CACNA2D3: variants seen among roughly 807,000 people sequenced by gnomAD.
CACNA2D3 encodes the protein voltage-dependent calcium channel subunit alpha-2/delta-3.
CACNA2D3 carries 60 observed loss-of-function variants against 160.6 expected under a neutral mutation model. The observed-to-expected ratio is 0.37, with a 90% CI of 0.30 to 0.46. The LOEUF (loss-of-function observed/expected upper bound fraction) is 0.46. CACNA2D3 is among the 20% of genes least tolerant of loss of function. The pLI is 1.00. For synonymous variants in CACNA2D3, 558 were observed against 492.9 expected, an observed-to-expected ratio of 1.13 and a Z score of -1.75; for missense variants, 1,205 against 1,365.0, an observed-to-expected ratio of 0.88 and a Z score of 1.85.
intron 5 of CACNA2D3, among the ~76,000 whole-genome samples, chr3:54,528,568 G>T (rs967789348): frequency 6.6e-6 from 1 of 152,072 alleles, no homozygotes; most frequent in African/African-American, 2.4e-5. Flanking sequence ...ATTGAAACAC[G>T]AAACCTTGCT....
intron 2 of CACNA2D3, among the ~76,000 whole-genome samples, chr3:54,155,460 C>A (rs940550939): frequency 6.6e-6 from 1 of 152,222 alleles, no homozygotes; most frequent in African/African-American, 2.4e-5. Context: ...CACATAACTT[C>A]TGCTCACATC....
At chr3:54,632,905 CGCGTGGAAA>C (rs1699274800) in intron 10 of CACNA2D3, 1 of 152,122 alleles carries the variant, frequency 6.6e-6, no homozygotes, top group Non-Finnish European at 1.5e-5. Flanking sequence ...GAATAGTGGT[CGCGTGGAAA>C]GCTTTGTGGT....
At chr3:55,065,147 G>A (rs1374965674) in intron 35 of CACNA2D3, among the ~76,000 whole-genome samples, 2 of 152,132 alleles carry the variant, frequency 1.3e-5, no homozygotes, top group African/African-American at 2.4e-5. Context: ...TTGTTTTCAG[G>A]GATGGGATTT....
chr3:54,618,379 A>ATATATATATATATG (rs1401834228), intron 9 of CACNA2D3, among the ~76,000 whole-genome samples: 1 of 141,612 alleles, frequency 7.1e-6, no homozygotes, highest in Non-Finnish European at 1.5e-5. Flanking sequence ...ATATATGCAC[A>ATATATATATATATG]CACACACACA....
chr3:54,291,141 G>T (rs1018179564), intron 2 of CACNA2D3, among the ~76,000 whole-genome samples: 10 of 152,104 alleles, frequency 6.6e-5, no homozygotes, highest in African/African-American at 2.4e-4. Context: ...ACAAATTGTT[G>T]CTTTTAACTA....
At chr3:54,674,853 A>G (rs1360498770) in intron 11 of CACNA2D3, among the ~76,000 whole-genome samples, 1 of 152,216 alleles carries the variant, frequency 6.6e-6, no homozygotes, top group Non-Finnish European at 1.5e-5. Flanking sequence ...TGCCTTGGCT[A>G]TAACCATGGG....
At chr3:54,442,307 T>C (rs761606603) in intron 4 of CACNA2D3, among the ~76,000 whole-genome samples, 2 of 152,168 alleles carry the variant, frequency 1.3e-5, no homozygotes, top group Non-Finnish European at 2.9e-5. Flanking sequence ...AGAGAATGCT[T>C]CTTCCATCAC....
chr3:54,122,673 T>C lies in CACNA2D3; in HGVS notation c.-41T>C, dbSNP rs747389577. 2.6e-5 allele frequency: 27 copies of C among 1,049,872 alleles called. No homozygotes were observed. The highest frequency in any genetic ancestry group is 3.1e-5 in the Non-Finnish European group (27 of 874,324). 65.0% of individuals were successfully genotyped at this position (1,049,872 alleles called of 1,614,324 possible). On this transcript the variant is annotated 5_prime_UTR_variant, in exon 1 of 38. Transcript: ENST00000474759. ...GCTCCGCGCAGCTCCCCGCGGCCGC[T>C]CTCGTCGCCGCCGCAGCGGGCGCGT...
chr3:54,723,597 C>T (rs1410713923), intron 11 of CACNA2D3, among the ~76,000 whole-genome samples: 1 of 152,192 alleles, frequency 6.6e-6, no homozygotes, highest in Non-Finnish European at 1.5e-5. Context: ...GCCAGAGTTC[C>T]TCAGGCTCAG....
chr3:54,252,113 T>TTTTTTTTTA (rs1702202638), intron 2 of CACNA2D3, among the ~76,000 whole-genome samples: 2 of 150,440 alleles, frequency 1.3e-5, no homozygotes, highest in African/African-American at 4.9e-5. Context: ...TTTTTTTTTT[T>TTTTTTTTTA]TGTACGATAC....
chr3:54,590,350 C>T (rs975482014), intron 9 of CACNA2D3, among the ~76,000 whole-genome samples: 1 of 152,034 alleles, frequency 6.6e-6, no homozygotes, highest in Admixed American at 6.6e-5. Context: ...CTTCATGATT[C>T]CATTCACATT....
At chr3:54,909,160 A>G (rs1219494051) in intron 27 of CACNA2D3, among the ~76,000 whole-genome samples, 1 of 152,176 alleles carries the variant, frequency 6.6e-6, no homozygotes, top group Non-Finnish European at 1.5e-5. Flanking sequence ...AAAGATCCTA[A>G]GCTTTCTAAA....
intron 4 of CACNA2D3, among the ~76,000 whole-genome samples, chr3:54,393,755 C>T (rs150136660): frequency 6.6e-6 from 1 of 152,316 alleles, no homozygotes; most frequent in Non-Finnish European, 1.5e-5. Flanking sequence ...GCTGATCTGA[C>T]GTGGTATCCC....
At chr3:54,928,047 C>T (rs1701077395) in intron 27 of CACNA2D3, 1 of 786,354 alleles carries the variant, frequency 1.3e-6, no homozygotes, top group Non-Finnish European at 2.2e-6. Flanking sequence ...TGCTTTTCTT[C>T]AATGCAGAAA....
intron 2 of CACNA2D3, among the ~76,000 whole-genome samples, chr3:54,205,448 A>G (rs1313157047): frequency 2.0e-5 from 3 of 152,206 alleles, no homozygotes; most frequent in East Asian, 1.9e-4. Context: ...TTGTACAAGG[A>G]AGGAAATATA....
intron 13 of CACNA2D3, among the ~76,000 whole-genome samples, chr3:54,810,360 C>A (rs1238036898): frequency 6.6e-6 from 1 of 152,176 alleles, no homozygotes; most frequent in African/African-American, 2.4e-5. Context: ...ACCTGCACTG[C>A]CAAATCTTAG....
intron 13 of CACNA2D3, among the ~76,000 whole-genome samples, chr3:54,794,827 TTTG>T (rs1197616951): frequency 6.6e-6 from 1 of 152,102 alleles, no homozygotes; most frequent in East Asian, 1.9e-4. Context: ...TGCTTAAGAT[TTTG>T]TTGTTATGAT....
At chr3:54,489,960 C>G (rs9855891) in intron 4 of CACNA2D3, among the ~76,000 whole-genome samples, 59,685 of 151,862 alleles carry the variant, frequency 0.39, 12,210 homozygotes, top group Middle Eastern at 0.48. Context: ...TGAGTAGTAA[C>G]CAGACGGCAC....
At chr3:54,196,707 A>C (rs1701087205) in intron 2 of CACNA2D3, among the ~76,000 whole-genome samples, 1 of 152,240 alleles carries the variant, frequency 6.6e-6, no homozygotes, top group Non-Finnish European at 1.5e-5. Context: ...ACTTAATTTC[A>C]CATAGAAAAT....
Sources: gnomAD v4.1 joint callset for allele counts (sites outside exome capture counted in the v4.1 genomes callset) on GRCh38, gnomAD v4.1.1 for gene constraint, MANE v1.5 for transcripts, NCBI Gene and HGNC (gene_info 2026-07-23, HGNC 2026-07-21) for gene names.